The following ZBTB16 variants were observed in gnomAD, a reference collection of about 807,000 sequenced individuals.
ZBTB16 encodes the protein zinc finger and BTB domain-containing protein 16.
Under a neutral mutation model 56.8 loss-of-function variants are expected in ZBTB16, and 8 were observed. The observed-to-expected ratio is 0.14, with a 90% confidence interval of 0.08 to 0.25. The LOEUF (loss-of-function observed/expected upper bound fraction) is 0.25, where lower values mean the gene tolerates loss of function less well. Ranked by LOEUF, ZBTB16 falls within the 10% of genes least tolerant of loss-of-function variation. The pLI is 1.00. For synonymous variants in ZBTB16, 363 were observed against 368.5 expected, an observed-to-expected ratio of 0.98 and a Z score of 0.17; for missense variants, 625 against 903.0, an observed-to-expected ratio of 0.69 and a Z score of 3.95.
intron 4 of ZBTB16, among the ~76,000 whole-genome samples, chr11:114,235,128 G>A (rs1400330002): frequency 6.6e-6 from 1 of 152,176 alleles, no homozygotes; most frequent in South Asian, 2.1e-4. Context: ...TTTCTGTGGG[G>A]AGAAGAAGCT....
intron 4 of ZBTB16, among the ~76,000 whole-genome samples, chr11:114,222,245 T>G (rs1944243885): frequency 6.6e-6 from 1 of 150,836 alleles, no homozygotes; most frequent in Non-Finnish European, 1.5e-5. Context: ...CACAATTACT[T>G]TAACCTGAAT....
chr11:114,124,117 C>T (rs1386574581), intron 2 of ZBTB16, among the ~76,000 whole-genome samples: 10 of 152,122 alleles, frequency 6.6e-5, no homozygotes, highest in Non-Finnish European at 1.5e-4. Flanking sequence ...CAGCCTGATT[C>T]TCTTTGTGAC....
intron 4 of ZBTB16, among the ~76,000 whole-genome samples, chr11:114,200,233 A>G (rs1943706561): frequency 7.9e-5 from 12 of 152,048 alleles, no homozygotes. Flanking sequence ...TGCTACTGTT[A>G]TTTTTAGAGG....
intron 3 of ZBTB16, among the ~76,000 whole-genome samples, chr11:114,182,254 TGGCCAGCTTAGTC>T (rs1943266684): frequency 6.6e-6 from 1 of 152,222 alleles, no homozygotes; most frequent in African/African-American, 2.4e-5. Flanking sequence ...TTCACCATGT[TGGCCAGCTTAGTC>T]TTGAACTCCT....
intron 2 of ZBTB16, among the ~76,000 whole-genome samples, chr11:114,101,393 C>T (rs1459563853): frequency 6.6e-6 from 1 of 152,146 alleles, no homozygotes; most frequent in Non-Finnish European, 1.5e-5. Context: ...TATGATCCAG[C>T]CTTCCCTGCA....
intron 2 of ZBTB16, among the ~76,000 whole-genome samples, chr11:114,100,695 A>C (rs899296558): frequency 6.6e-6 from 1 of 152,178 alleles, no homozygotes; most frequent in Non-Finnish European, 1.5e-5. Flanking sequence ...ACAGATGGAA[A>C]AAGATGAAAC....
At chr11:114,089,350 AC>A (rs1289038127) in intron 2 of ZBTB16, among the ~76,000 whole-genome samples, 1 of 152,078 alleles carries the variant, frequency 6.6e-6, no homozygotes, top group Non-Finnish European at 1.5e-5. Context: ...AGCCTTCAGT[AC>A]CTCTTGCTGA....
intron 4 of ZBTB16, among the ~76,000 whole-genome samples, chr11:114,235,419 C>T (rs1944543360): frequency 6.6e-6 from 1 of 152,224 alleles, no homozygotes; most frequent in Non-Finnish European, 1.5e-5. Flanking sequence ...AGCTGTGTAC[C>T]CCTCTGATCC....
intron 2 of ZBTB16, among the ~76,000 whole-genome samples, chr11:114,075,715 C>A (rs1226653453): frequency 1.3e-5 from 2 of 151,694 alleles, no homozygotes; most frequent in African/African-American, 4.9e-5. Context: ...AGGTGATCTG[C>A]CTGTCTCAGC....
rs769008275 is a variant in ZBTB16 at position 114,148,332 on chromosome 11, GCTGGCTTCCTTCCTTCCTTCCTTC to G, written c.1269-8002_1269-7979del. 4.1e-3 allele frequency among the ~76,000 whole-genome samples: 384 copies of G among 93,658 alleles called. 1 individual carries two copies. Among genetic ancestry groups the G allele is most frequent in the Middle Eastern group, 5.2e-3 (1 of 192 alleles). The allele number at this position is 93,658 out of a possible 152,430, so 61.4% of individuals were successfully genotyped here. ...GCAGGATGCATAGGATGCATGGCTG[GCTGGCTTCCTTCCTTCCTTCCTTC>G]CTTCCTTCCTTCCTTCCTTCCTTCC... is the stretch of plus-strand genomic sequence containing the variant. On this transcript the variant is annotated intron_variant, in intron 2 of 6. Coordinates refer to ENST00000335953, the MANE Select transcript of ZBTB16 (RefSeq NM_006006.6).
At chr11:114,095,245 C>CTTTTTTTTTTTTTTTTTT (rs745895999) in intron 2 of ZBTB16, among the ~76,000 whole-genome samples, 1 of 90,458 alleles carries the variant, frequency 1.1e-5, no homozygotes, top group African/African-American at 6.2e-5. Flanking sequence ...CTTTTCTTTT[C>CTTTTTTTTTTTTTTTTTT]TTTTTTTTTT....
At chr11:114,239,148 A>G (rs1276685915) in intron 4 of ZBTB16, among the ~76,000 whole-genome samples, 2 of 152,212 alleles carry the variant, frequency 1.3e-5, no homozygotes, top group African/African-American at 4.8e-5. Flanking sequence ...CCAAGGGGGC[A>G]GAGTGCTGCA....
At chr11:114,179,665 C>G (rs1280496922) in intron 3 of ZBTB16, among the ~76,000 whole-genome samples, 1 of 151,842 alleles carries the variant, frequency 6.6e-6, no homozygotes, top group African/African-American at 2.4e-5. Flanking sequence ...TTTTTTTTCT[C>G]CCTTCTTATT....
chr11:114,074,919 A>G (rs573783057), intron 2 of ZBTB16, among the ~76,000 whole-genome samples: 1 of 151,978 alleles, frequency 6.6e-6, no homozygotes. Context: ...GCAGCCTTGA[A>G]CTTTTGATTT....
chr11:114,233,031 A>AAC (rs1591802136), intron 4 of ZBTB16, among the ~76,000 whole-genome samples: 1 of 68,740 alleles, frequency 1.5e-5, no homozygotes, highest in Non-Finnish European at 3.8e-5. Flanking sequence ...ACCCCAACTC[A>AAC]TCCCCGGCCC....
chr11:114,147,078 A>C (rs1401606179), intron 2 of ZBTB16, among the ~76,000 whole-genome samples: 1 of 152,216 alleles, frequency 6.6e-6, no homozygotes, highest in Non-Finnish European at 1.5e-5. Flanking sequence ...ATAGCTCTCC[A>C]GCTCAGAATC....
intron 2 of ZBTB16, among the ~76,000 whole-genome samples, chr11:114,125,993 C>T (rs539818501): frequency 6.6e-6 from 1 of 152,246 alleles, no homozygotes; most frequent in East Asian, 1.9e-4. Flanking sequence ...GTGATGTGTC[C>T]TTATTTGTAA....
rs1313641641 is a variant in ZBTB16 at position 114,063,453 on chromosome 11, G to A, written c.153G>A (p.Val51=). ...AGGAGTTCCACGCCCACCGGACGGT[G>A]CTGGCCTGCACCAGCAAGATGTTTG... ...DSQEFHAHRT[V]LACTSKMFEI... The change falls in exon 2 of 7, where the codon GTG becomes GTA. Residue 51 remains valine (V), a synonymous_variant. Coordinates refer to ENST00000335953, the MANE Select transcript of ZBTB16 (RefSeq NM_006006.6). The surrounding 1 kb of genome is among the most constrained non-coding windows in gnomAD (Gnocchi z 6.5). 5.0e-6 allele frequency: 8 copies of A among 1,614,216 alleles called. No homozygotes were observed. In the South Asian group the frequency reaches 6.6e-5, roughly 13 times the overall value.
chr11:114,129,065 G>C (rs554315584), intron 2 of ZBTB16, among the ~76,000 whole-genome samples: 3 of 152,326 alleles, frequency 2.0e-5, no homozygotes, highest in South Asian at 2.1e-4. Context: ...CTGGGTCTGC[G>C]TGGGTGGGGG....
Sources: allele counts gnomAD v4.1 joint callset (sites outside exome capture counted in the v4.1 genomes callset), GRCh38; gene constraint gnomAD v4.1.1; non-coding constraint Gnocchi (gnomAD v3.1); transcripts MANE v1.5; gene names NCBI Gene and HGNC (gene_info 2026-07-23, HGNC 2026-07-21).